The following PTPRT variants were observed in gnomAD, a reference collection of about 807,000 sequenced individuals.
The protein encoded by PTPRT is receptor-type tyrosine-protein phosphatase T.
A neutral mutation model predicts 176.8 loss-of-function variants in PTPRT; 56 were observed. That is an observed-to-expected ratio of 0.32 (90% CI 0.26 to 0.40). The LOEUF (loss-of-function observed/expected upper bound fraction) is 0.40, where lower values mean the gene tolerates loss of function less well. Ranked by LOEUF, PTPRT falls within the 10% of genes least tolerant of loss-of-function variation. PTPRT has a pLI of 1.00. For missense variants in PTPRT, 1,540 were observed against 1,908.2 expected, an observed-to-expected ratio of 0.81 and a Z score of 3.60; for synonymous variants, 783 against 739.0, an observed-to-expected ratio of 1.06 and a Z score of -0.96.
At chr20:42,367,188 C>T (rs1357299664) in intron 9 of PTPRT, among the ~76,000 whole-genome samples, 1 of 152,162 alleles carries the variant, frequency 6.6e-6, no homozygotes, top group African/African-American at 2.4e-5. Flanking sequence ...ATGCTTAGCA[C>T]CTGGGTGACC....
At chr20:42,574,268 T>G (rs2073217983) in intron 7 of PTPRT, among the ~76,000 whole-genome samples, 1 of 152,230 alleles carries the variant, frequency 6.6e-6, no homozygotes, top group Admixed American at 6.5e-5. Flanking sequence ...CAAAGGGCTC[T>G]GCAGTTTGCA....
intron 11 of PTPRT, among the ~76,000 whole-genome samples, chr20:42,322,997 ACACATGAAAAAATGCT>A (rs1410733415): frequency 6.6e-5 from 10 of 152,038 alleles, no homozygotes; most frequent in Non-Finnish European, 1.2e-4. Flanking sequence ...CAGCCAAAAA[ACACATGAAAAAATGCT>A]CACCATCACT....
intron 11 of PTPRT, among the ~76,000 whole-genome samples, chr20:42,344,608 T>C (rs920379776): frequency 1.3e-5 from 2 of 152,150 alleles, no homozygotes; most frequent in Non-Finnish European, 2.9e-5. Context: ...GAGATGGTCC[T>C]GGATGTGGCC....
chr20:42,743,216 C>T lies in PTPRT; in HGVS notation c.859+13246G>A, dbSNP rs549479319. Among the ~76,000 whole-genome samples, 3 of 152,258 alleles carry T rather than the reference C, an allele frequency of 2.0e-5. No homozygotes were observed. The East Asian group carries it at 5.8e-4, about 29-fold the overall frequency. ...CTGGGTTGAAAGTGAGTCACATCTG[C>T]CCCTGGATAGACATATAAAGCAACA... On this transcript the variant is annotated intron_variant, in intron 6 of 30. Coordinates refer to ENST00000373187, the MANE Select transcript of PTPRT (RefSeq NM_007050.6).
chr20:42,618,391 G>T (rs2074122103), intron 7 of PTPRT, among the ~76,000 whole-genome samples: 1 of 136,006 alleles, frequency 7.4e-6, no homozygotes, highest in Non-Finnish European at 1.5e-5. Flanking sequence ...TAGGTGTGTT[G>T]TGGTGCTGAA....
chr20:42,673,619 T>C (rs2075449305), intron 7 of PTPRT, among the ~76,000 whole-genome samples: 1 of 152,190 alleles, frequency 6.6e-6, no homozygotes. Flanking sequence ...GGTCCTCACA[T>C]GGCAGAAGAC....
the PTPRT span, among the ~76,000 whole-genome samples, chr20:42,061,725 C>G: frequency 1.3e-5 from 2 of 152,196 alleles, no homozygotes; most frequent in East Asian, 1.9e-4. Context: ...CAGCCACTCT[C>G]GAGTTTCCTT....
At chr20:42,920,285 G>C (rs888803771) in intron 1 of PTPRT, among the ~76,000 whole-genome samples, 1 of 152,158 alleles carries the variant, frequency 6.6e-6, no homozygotes, top group African/African-American at 2.4e-5. Context: ...AACTGAAAAA[G>C]TCAAGCACAA....
chr20:43,045,134 G>A (rs1305758091), intron 1 of PTPRT, among the ~76,000 whole-genome samples: 1 of 152,216 alleles, frequency 6.6e-6, no homozygotes, highest in East Asian at 1.9e-4. Flanking sequence ...CCAAACAAAT[G>A]TTGAGATCCA....
At chr20:43,049,860 G>A (rs993961334) in intron 1 of PTPRT, among the ~76,000 whole-genome samples, 2 of 152,206 alleles carry the variant, frequency 1.3e-5, no homozygotes, top group South Asian at 2.1e-4. Flanking sequence ...GACCTGCTGT[G>A]TCACAATTTG....
At chr20:42,421,619 GC>G (rs1301103537) in intron 9 of PTPRT, among the ~76,000 whole-genome samples, 1 of 151,992 alleles carries the variant, frequency 6.6e-6, no homozygotes, top group African/African-American at 2.4e-5. Context: ...CATTAAAATT[GC>G]CATACTACCC....
chr20:43,040,824 T>C (rs1986575324), intron 1 of PTPRT, among the ~76,000 whole-genome samples: 1 of 152,238 alleles, frequency 6.6e-6, no homozygotes, highest in Non-Finnish European at 1.5e-5. Context: ...CTGTGCCCAC[T>C]CATGATTCCT....
At chr20:42,898,266 TG>T (rs2079339031) in intron 1 of PTPRT, among the ~76,000 whole-genome samples, 1 of 152,164 alleles carries the variant, frequency 6.6e-6, no homozygotes, top group African/African-American at 2.4e-5. Flanking sequence ...TGGAGTGCAG[TG>T]TCATATCATA....
intron 12 of PTPRT, among the ~76,000 whole-genome samples, chr20:42,285,203 C>T (rs1294540475): frequency 6.6e-6 from 1 of 151,956 alleles, no homozygotes; most frequent in Non-Finnish European, 1.5e-5. Context: ...AAGCATGAAA[C>T]CCAGAACACT....
At chr20:42,049,172 G>C in the PTPRT span, among the ~76,000 whole-genome samples, 1 of 152,226 alleles carries the variant, frequency 6.6e-6, no homozygotes, top group African/African-American at 2.4e-5. Flanking sequence ...CACTAGCCCT[G>C]TGGCTTTGAA....
At chr20:42,838,503 C>T (rs555732423) in intron 2 of PTPRT, among the ~76,000 whole-genome samples, 1 of 152,298 alleles carries the variant, frequency 6.6e-6, no homozygotes, top group African/African-American at 2.4e-5. Context: ...AAACACTGGA[C>T]ATTGGAGGAC....
At chr20:42,665,303 T>C (rs546881613) in intron 7 of PTPRT, among the ~76,000 whole-genome samples, 1 of 152,304 alleles carries the variant, frequency 6.6e-6, no homozygotes, top group African/African-American at 2.4e-5. Context: ...CAGACACTTC[T>C]CAAAAGAAGA....
intron 7 of PTPRT, among the ~76,000 whole-genome samples, chr20:42,586,552 GAGA>G (rs2073474177): frequency 6.6e-6 from 1 of 152,158 alleles, no homozygotes; most frequent in Admixed American, 6.5e-5. Flanking sequence ...GCCACACTCA[GAGA>G]AGGACTTCGA....
At chr20:42,836,147 C>G (rs889855134) in intron 2 of PTPRT, among the ~76,000 whole-genome samples, 4 of 152,104 alleles carry the variant, frequency 2.6e-5, no homozygotes, top group African/African-American at 7.2e-5. Flanking sequence ...AATCAAGGAA[C>G]CTGCCAGGAA....
Sources: allele counts gnomAD v4.1 joint callset (sites outside exome capture counted in the v4.1 genomes callset), GRCh38; gene constraint gnomAD v4.1.1; transcripts MANE v1.5; gene names NCBI Gene and HGNC (gene_info 2026-07-23, HGNC 2026-07-21).